The following CHRM5 variants were observed in gnomAD, a reference collection of about 807,000 sequenced individuals.
CHRM5 encodes cholinergic receptor muscarinic 5.
CHRM5 carries 18 observed loss-of-function variants against 39.0 expected under a neutral mutation model. That is an observed-to-expected ratio of 0.46 (90% CI 0.32 to 0.68). CHRM5 has a LOEUF of 0.68. Among genes scored for constraint, CHRM5 ranks in the 30% least tolerant of loss-of-function variants. The pLI is 0.04. For missense variants in CHRM5, 515 were observed against 651.1 expected (o/e 0.79, Z 2.28); for synonymous variants, 241 against 246.3 (o/e 0.98, Z 0.20).
chr15:34,025,173 A>T (rs768768647), intron 1 of CHRM5, among the ~76,000 whole-genome samples: 2 of 152,174 alleles, frequency 1.3e-5, no homozygotes, highest in African/African-American at 2.4e-5. Flanking sequence ...CCATCTCAAA[A>T]AAAAGGGTGG....
chr15:34,028,079 A>C (rs933637593), intron 1 of CHRM5, among the ~76,000 whole-genome samples: 13 of 152,328 alleles, frequency 8.5e-5, no homozygotes, highest in Non-Finnish European at 1.6e-4. Context: ...TGAAAGCATA[A>C]GCATACCCCA....
In CHRM5 at chr15:34,063,663, G is replaced by A. The variant is rs141362421; in HGVS notation, c.946G>A (p.Ala316Thr). 2,026 of 1,614,152 alleles carry A rather than the reference G, an allele frequency of 1.3e-3. 3 individuals are homozygous for A. Among genetic ancestry groups the A allele is most frequent in the Non-Finnish European group, 1.6e-3 (1,830 of 1,180,028 alleles). The change falls in exon 3 of 3, where the codon GCC (alanine) becomes ACC (threonine). Residue 316 changes from alanine (A) to threonine (T), a missense_variant. Physicochemically the swap from Ala to Thr is moderately conservative, Grantham distance 58. Coordinates refer to ENST00000383263, the MANE Select transcript of CHRM5 (RefSeq NM_012125.4). This position sits in a 1 kb window ranked among gnomAD's most constrained non-coding sequence, Gnocchi z 4.1. ...YPSSEDEDKP[A>T]TDPVLQVVYK... is the part of the protein sequence containing the mutation. The stretch of plus-strand genomic sequence containing the variant: ...TTCCTCAGAGGATGAGGACAAGCCC[G>A]CCACTGACCCTGTCCTCCAAGTGGT...
In CHRM5 at chr15:33,984,388, A is replaced by G. The variant is rs2140538654; in HGVS notation, c.-408+15238A>G. ...AACTCAGTCACTTTCCTCACCTGTT[A>G]GAATAGATTGATGGTAGGGTTTTTT... On this transcript the variant is annotated intron_variant, in intron 1 of 2. Coordinates refer to ENST00000383263, the MANE Select transcript of CHRM5 (RefSeq NM_012125.4). 2.7e-5 allele frequency among the ~76,000 whole-genome samples: 4 copies of G among 148,330 alleles called. No homozygotes were observed. The South Asian group carries it at 9.0e-4, about 33-fold the overall frequency.
chr15:34,053,304 A>AC (rs1300686698), intron 2 of CHRM5, among the ~76,000 whole-genome samples: 1 of 85,662 alleles, frequency 1.2e-5, no homozygotes, highest in Non-Finnish European at 2.3e-5. Flanking sequence ...CATCTCAAAA[A>AC]AAAAAAAAAA....
At chr15:34,042,398 T>G (rs1380375763) in intron 1 of CHRM5, among the ~76,000 whole-genome samples, 4 of 136,978 alleles carry the variant, frequency 2.9e-5, no homozygotes, top group Non-Finnish European at 4.5e-5. Context: ...TGACCTAAGT[T>G]TTTTTTTTTT....
At chr15:34,054,070 G>A (rs1483626456) in intron 2 of CHRM5, among the ~76,000 whole-genome samples, 6 of 150,144 alleles carry the variant, frequency 4.0e-5, no homozygotes, top group Admixed American at 4.0e-4. Flanking sequence ...CAAAAAACGT[G>A]AAAAAAAAAC....
At chr15:34,020,592 C>T (rs1449254722) in intron 1 of CHRM5, among the ~76,000 whole-genome samples, 1 of 152,224 alleles carries the variant, frequency 6.6e-6, no homozygotes. Context: ...TTTCAATTCT[C>T]ACTGCACTTT....
At chr15:34,027,908 A>T (rs1018449426) in intron 1 of CHRM5, among the ~76,000 whole-genome samples, 3 of 152,118 alleles carry the variant, frequency 2.0e-5, no homozygotes, top group Admixed American at 6.5e-5. Context: ...TAGAACGTTG[A>T]CATTACTGGG....
intron 1 of CHRM5, among the ~76,000 whole-genome samples, chr15:34,017,145 G>A (rs1267613160): frequency 6.6e-6 from 1 of 151,766 alleles, no homozygotes; most frequent in Non-Finnish European, 1.5e-5. Flanking sequence ...AAAAAAAAAG[G>A]TATCATTTGA....
In CHRM5 at chr15:34,006,979, A is replaced by G. The variant is rs192769559; in HGVS notation, c.-408+37829A>G. Reference sequence around the variant, plus strand: ...AAACAAGGTGAAAACTATAAAGATAAAGGCATCATTTTCATATAAATATTG... The same window carrying G: ...AAACAAGGTGAAAACTATAAAGATAGAGGCATCATTTTCATATAAATATTG... On this transcript the variant is annotated intron_variant, in intron 1 of 2. Transcript: ENST00000383263. The G allele has an allele frequency of 1.1e-5, 8 of 723,614 alleles. No individual in the cohort carries two copies. In the Admixed American group the frequency reaches 5.0e-4, roughly 45 times the overall value. The allele number at this position is 723,614 out of a possible 1,614,324, so 44.8% of individuals were successfully genotyped here.
At chr15:34,006,289 C>A (rs2140641569) in intron 1 of CHRM5, among the ~76,000 whole-genome samples, 1 of 145,152 alleles carries the variant, frequency 6.9e-6, no homozygotes, top group Middle Eastern at 3.8e-3. Context: ...CCAGCCCGGG[C>A]AACAGAGCGA....
chr15:34,007,413 A>G (rs1300713777), intron 1 of CHRM5, among the ~76,000 whole-genome samples: 2 of 152,360 alleles, frequency 1.3e-5, no homozygotes, highest in Admixed American at 1.3e-4. Context: ...TGTACAGAAC[A>G]TAATTCAGCC....
At chr15:33,987,447 G>C (rs909837720) in intron 1 of CHRM5, among the ~76,000 whole-genome samples, 2 of 152,138 alleles carry the variant, frequency 1.3e-5, no homozygotes, top group Admixed American at 1.3e-4. Context: ...ACAGTGTTAG[G>C]ATGGAATAAA....
chr15:34,039,748 C>T (rs1001634660), intron 1 of CHRM5, among the ~76,000 whole-genome samples: 2 of 152,250 alleles, frequency 1.3e-5, no homozygotes, highest in African/African-American at 4.8e-5. Context: ...TTATTGAGCA[C>T]ATGAGTATTT....
intron 1 of CHRM5, among the ~76,000 whole-genome samples, chr15:33,993,130 T>C (rs1896796377): frequency 6.6e-6 from 1 of 152,204 alleles, no homozygotes; most frequent in Non-Finnish European, 1.5e-5. Flanking sequence ...GCATATTGCA[T>C]GAATTCAATG....
At chr15:33,995,597 T>G (rs1896899702) in intron 1 of CHRM5, among the ~76,000 whole-genome samples, 1 of 152,178 alleles carries the variant, frequency 6.6e-6, no homozygotes, top group Admixed American at 6.5e-5. Flanking sequence ...AATTGACAGG[T>G]GGGACCTAAT....
chr15:34,030,211 A>C (rs1263873847), intron 1 of CHRM5, among the ~76,000 whole-genome samples: 1 of 152,124 alleles, frequency 6.6e-6, no homozygotes, highest in African/African-American at 2.4e-5. Flanking sequence ...CTGAGATCAC[A>C]CCACTGCATT....
At chr15:34,038,612 CCACCAGGCGCG>C (rs919630258) in intron 1 of CHRM5, among the ~76,000 whole-genome samples, 1 of 6,490 alleles carries the variant, frequency 1.5e-4, no homozygotes, top group African/African-American at 2.2e-4. Context: ...CGCGCCCCCG[CCACCAGGCGCG>C]CCCCCGCGCC....
intron 1 of CHRM5, among the ~76,000 whole-genome samples, chr15:33,975,633 T>C (rs1895851106): frequency 2.0e-5 from 3 of 152,138 alleles, no homozygotes; most frequent in South Asian, 4.1e-4. Context: ...CAGAATTTGT[T>C]AGAAATACCA....
Sources: allele counts gnomAD v4.1 joint callset (sites outside exome capture counted in the v4.1 genomes callset), GRCh38; gene constraint gnomAD v4.1.1; non-coding constraint Gnocchi (gnomAD v3.1); transcripts MANE v1.5; gene names NCBI Gene and HGNC (gene_info 2026-07-23, HGNC 2026-07-21).